ARID3A: variants seen among roughly 807,000 people sequenced by gnomAD.
ARID3A encodes the protein AT-rich interactive domain-containing protein 3A.
In ARID3A, 11 loss-of-function variants were observed where a neutral mutation model predicts 52.7. That is an observed-to-expected ratio of 0.21 (90% CI 0.13 to 0.35). ARID3A has a LOEUF of 0.35. Among genes scored for constraint, ARID3A ranks in the 10% least tolerant of loss-of-function variants. ARID3A has a pLI of 1.00. For missense variants in ARID3A, 721 were observed against 838.5 expected (o/e 0.86, Z 1.73); for synonymous variants, 404 against 359.4 (o/e 1.12, Z -1.40).
rs981466859 is a variant in ARID3A at position 929,447 on chromosome 19, G to T, written c.-82G>T. 45 of 759,428 alleles carry T rather than the reference G, an allele frequency of 5.9e-5. No homozygotes were observed. The highest frequency in any genetic ancestry group is 7.5e-5 in the Non-Finnish European group (43 of 574,816). The allele number at this position is 759,428 out of a possible 1,614,324, so 47.0% of individuals were successfully genotyped here. On this transcript the variant is annotated 5_prime_UTR_variant, in exon 2 of 9. Transcript: ENST00000263620. This position sits in a 1 kb window ranked among gnomAD's most constrained non-coding sequence, Gnocchi z 6.2. ...TGCAGTGCGGCCGGGCCCCCTCCCC[G>T]CAGGGGCCGCCCCCGCCGCCCACCC...
Position 972,222 on chromosome 19 carries a change from G to T in ARID3A, c.*157G>T, listed in dbSNP as rs1451141763. The T allele has an allele frequency of 6.6e-4, 146 of 222,692 alleles. 1 individual carries two copies. Among genetic ancestry groups the T allele is most frequent in the Middle Eastern group, 1.5e-3 (1 of 674 alleles). The allele number at this position is 222,692 out of a possible 1,614,324, so 13.8% of individuals were successfully genotyped here. On this transcript the variant is annotated 3_prime_UTR_variant, in exon 9 of 9. Transcript: ENST00000263620. ...CTGACGCCAAAAAGAAAAGAAAAAA[G>T]ATATATATATATATATATATATATA...
chr19:966,967 G>GAA, intron 7 of ARID3A, 99 bp downstream of exon 7: 1 of 1,171,404 alleles, frequency 8.5e-7, no homozygotes, highest in Non-Finnish European at 1.1e-6. Context: ...AAATCAATAA[G>GAA]AAAAAAAAAG....
At position 947,646 on chromosome 19, in the gene ARID3A, C is replaced by G. The variant is rs946656489; in HGVS notation, c.694-12446C>G. On this transcript the variant is annotated intron_variant, in intron 3 of 8. Coordinates refer to ENST00000263620, the MANE Select transcript of ARID3A (RefSeq NM_005224.3). The surrounding 1 kb of genome is among the most constrained non-coding windows in gnomAD (Gnocchi z 6.3). ...GAGGAGGGTCTGGCGTCAGCAAGCT[C>G]CCCCGGAATCTCGTGATCTGGAAAT... Among the ~76,000 whole-genome samples, 2 of 152,192 alleles carry G rather than the reference C, an allele frequency of 1.3e-5. No individual in the cohort carries two copies. Among genetic ancestry groups the G allele is most frequent in the Non-Finnish European group, 2.9e-5 (2 of 68,040 alleles).
intron 3 of ARID3A, among the ~76,000 whole-genome samples, chr19:958,743 A>T (rs2145436895): frequency 1.3e-5 from 2 of 151,746 alleles, no homozygotes; most frequent in Middle Eastern, 3.4e-3. Flanking sequence ...AATACAAAAA[A>T]TTATCCGGGC....
chr19:950,133 A>G (rs2037774948), intron 3 of ARID3A, among the ~76,000 whole-genome samples: 1 of 102,650 alleles, frequency 9.7e-6, no homozygotes, highest in Non-Finnish European at 2.0e-5. Flanking sequence ...CGGATGGATG[A>G]GGCCGTCCCC....
rs954157759 is a variant in ARID3A at position 947,145 on chromosome 19, G to T, written c.694-12947G>T. Among the ~76,000 whole-genome samples, 5 of 152,134 alleles carry T rather than the reference G, an allele frequency of 3.3e-5. No individual in the cohort carries two copies. Among genetic ancestry groups the T allele is most frequent in the African/African-American group, 1.2e-4 (5 of 41,422 alleles). The stretch of plus-strand genomic sequence containing the variant: ...TTTGCTGGGTGCCCCCCATTGCTGG[G>T]CACCGTGGGGTGGGGTGTGTCTGTG... On this transcript the variant is annotated intron_variant, in intron 3 of 8. Transcript: ENST00000263620. This position sits in a 1 kb window ranked among gnomAD's most constrained non-coding sequence, Gnocchi z 6.3.
In ARID3A at chr19:972,246, T is replaced by C. The variant is rs1003500144; in HGVS notation, c.*181T>C. 2 of 187,554 alleles carry C rather than the reference T, an allele frequency of 1.1e-5. No homozygotes were observed. Among genetic ancestry groups the C allele is most frequent in the East Asian group, 9.6e-5 (1 of 10,370 alleles). 11.6% of individuals were successfully genotyped at this position (187,554 alleles called of 1,614,324 possible). On this transcript the variant is annotated 3_prime_UTR_variant, in exon 9 of 9. Coordinates refer to ENST00000263620, the MANE Select transcript of ARID3A (RefSeq NM_005224.3). Reference sequence around the variant, plus strand: ...AGATATATATATATATATATATATATACACGTATATATATAAAGAGAATTT... The same window carrying C: ...AGATATATATATATATATATATATACACACGTATATATATAAAGAGAATTT...
chr19:930,593 T>A, intron 2 of ARID3A, among the ~76,000 whole-genome samples: 1 of 142,502 alleles, frequency 7.0e-6, no homozygotes, highest in African/African-American at 2.6e-5. Flanking sequence ...CACTGCAACC[T>A]CCTCCTCCCG....
In ARID3A at chr19:973,134, G is replaced by GTTTTTTTTTT. The variant is rs2038317534; in HGVS notation, c.*1073_*1074insTTTTTTTTTT. The GTTTTTTTTTT allele has an allele frequency of 5.1e-4, 5 of 9,874 alleles. No homozygotes were observed. The highest frequency in any genetic ancestry group is 8.2e-4 in the African/African-American group (3 of 3,668). 0.6% of individuals were successfully genotyped at this position (9,874 alleles called of 1,614,324 possible). On this transcript the variant is annotated 3_prime_UTR_variant, in exon 9 of 9. Transcript: ENST00000263620. ...TTTTTTTTTTTTTTTTTGAGACGGA[G>GTTTTTTTTTT]TTTTGCTCTTGTCGCCCAGGCTGGA... is the stretch of plus-strand genomic sequence containing the variant.
intron 3 of ARID3A, among the ~76,000 whole-genome samples, chr19:943,517 G>C (rs531739691): frequency 1.0e-3 from 159 of 151,828 alleles, no homozygotes; most frequent in African/African-American, 3.7e-3. Flanking sequence ...GCAGTGAGCT[G>C]AGATCGCACC....
intron 3 of ARID3A, among the ~76,000 whole-genome samples, chr19:950,840 G>C (rs1057232517): frequency 6.7e-6 from 1 of 149,072 alleles, no homozygotes; most frequent in Admixed American, 6.7e-5. Context: ...TTTTTTTTTT[G>C]AGGTGGAGTT....
chr19:971,448 C>G (rs2038274061), intron 8 of ARID3A, among the ~76,000 whole-genome samples: 1 of 152,074 alleles, frequency 6.6e-6, no homozygotes, highest in Non-Finnish European at 1.5e-5. Flanking sequence ...TCCGTCTGTA[C>G]TAAAAATAAA....
chr19:933,522 G>A lies in ARID3A; in HGVS notation c.693+780G>A, dbSNP rs888936619. Among the ~76,000 whole-genome samples, 10 of 152,186 alleles carry A rather than the reference G, an allele frequency of 6.6e-5. No homozygotes were observed. In the South Asian group the frequency reaches 1.2e-3, roughly 19 times the overall value. On this transcript the variant is annotated intron_variant, in intron 3 of 8. Coordinates refer to ENST00000263620, the MANE Select transcript of ARID3A (RefSeq NM_005224.3). The stretch of plus-strand genomic sequence containing the variant: ...CGCGGCTGGGGGGAGCCACCTCCTC[G>A]CCCGGGGCTGGAGCTGGTCTGGGCT...
At chr19:966,471 AAAAAG>A (rs1225692855) in intron 6 of ARID3A, 96 bp from the exon 7 acceptor site, 31 of 1,089,880 alleles carry the variant, frequency 2.8e-5, no homozygotes, top group East Asian at 5.4e-5. Flanking sequence ...AAAAAAAAAA[AAAAAG>A]AAAAGAAAAG....
At chr19:963,411 G>A (rs2038083762) in intron 4 of ARID3A, among the ~76,000 whole-genome samples, 1 of 152,252 alleles carries the variant, frequency 6.6e-6, no homozygotes, top group Admixed American at 6.5e-5. Context: ...CAGAACGATA[G>A]GTTTAAGTGG....
At chr19:970,690 G>A (rs955718928) in intron 8 of ARID3A, among the ~76,000 whole-genome samples, 1 of 151,850 alleles carries the variant, frequency 6.6e-6, no homozygotes, top group African/African-American at 2.4e-5. Flanking sequence ...GGTCAGGCTG[G>A]TCTCGAACTC....
At chr19:965,687 C>T (rs2038133955) in intron 6 of ARID3A, among the ~76,000 whole-genome samples, 1 of 151,930 alleles carries the variant, frequency 6.6e-6, no homozygotes, top group African/African-American at 2.4e-5. Flanking sequence ...GTAGTGAGAC[C>T]CAGTCTAAAA....
intron 3 of ARID3A, among the ~76,000 whole-genome samples, chr19:948,761 G>C (rs1353709447): frequency 4.8e-5 from 7 of 144,372 alleles, no homozygotes; most frequent in Non-Finnish European, 1.0e-4. Context: ...CCAGGCTGGA[G>C]TGCAGTGGCA....
At position 947,407 on chromosome 19, in the gene ARID3A, C is replaced by G. The variant is rs985368355; in HGVS notation, c.694-12685C>G. ...TCAGCTGATCCCACCCCGGCCACAT[C>G]TCAGCACCAGGCCTGTCGCTGCCGT... is the stretch of plus-strand genomic sequence containing the variant. On this transcript the variant is annotated intron_variant, in intron 3 of 8. Transcript: ENST00000263620. This position sits in a 1 kb window ranked among gnomAD's most constrained non-coding sequence, Gnocchi z 6.3. 6.6e-6 allele frequency among the ~76,000 whole-genome samples: 1 copy of G among 152,206 alleles called. No individual in the cohort carries two copies. The highest frequency in any genetic ancestry group is 1.5e-5 in the Non-Finnish European group (1 of 68,028).
Sources: gnomAD v4.1 joint callset for allele counts (sites outside exome capture counted in the v4.1 genomes callset) on GRCh38, gnomAD v4.1.1 for gene constraint, Gnocchi (gnomAD v3.1) non-coding constraint, MANE v1.5 for transcripts, NCBI Gene and HGNC (gene_info 2026-07-23, HGNC 2026-07-21) for gene names.